TMEM144: variants seen among roughly 807,000 people sequenced by gnomAD.
TMEM144 encodes transmembrane protein 144.
A neutral mutation model predicts 43.6 loss-of-function variants in TMEM144; 39 were observed. That is an observed-to-expected ratio of 0.90 (90% confidence interval 0.69 to 1.17). The LOEUF (loss-of-function observed/expected upper bound fraction) is 1.17, where lower values mean the gene tolerates loss of function less well. Ranked by LOEUF, TMEM144 falls within the 50% of genes most tolerant of loss-of-function variation. The pLI is 0.00. For missense variants in TMEM144, 417 were observed against 411.9 expected (o/e 1.01, Z -0.11); for synonymous variants, 154 against 133.6 (o/e 1.15, Z -1.06).
At chr4:158,247,689 C>T (rs775340326) in intron 12 of TMEM144, among the ~76,000 whole-genome samples, 1 of 151,862 alleles carries the variant, frequency 6.6e-6, no homozygotes, top group African/African-American at 2.4e-5. Context: ...AAGTAATGTG[C>T]CAGGTTTTTA....
At chr4:158,252,289 C>G (rs1016794566) in intron 12 of TMEM144, among the ~76,000 whole-genome samples, 6 of 152,134 alleles carry the variant, frequency 3.9e-5, no homozygotes, top group African/African-American at 1.4e-4. Flanking sequence ...CATAACTGAG[C>G]AAGTCCAACG....
intron 6 of TMEM144, among the ~76,000 whole-genome samples, chr4:158,222,980 C>T (rs1734581481): frequency 6.6e-6 from 1 of 152,104 alleles, no homozygotes; most frequent in African/African-American, 2.4e-5. Context: ...GTCTGTAGCC[C>T]AAAACACCTT....
chr4:158,221,633 G>T (rs1250280652), intron 6 of TMEM144, among the ~76,000 whole-genome samples: 1 of 152,146 alleles, frequency 6.6e-6, no homozygotes, highest in Admixed American at 6.5e-5. Flanking sequence ...TTAAGGACAT[G>T]CTCTCCCTTC....
chr4:158,232,793 A>G (rs1404331332), intron 6 of TMEM144, 108 bp from the exon 7 acceptor site: 3 of 724,860 alleles, frequency 4.1e-6, no homozygotes, highest in Non-Finnish European at 6.9e-6. Flanking sequence ...TAATCATTGT[A>G]TCATTAGGAT....
At chr4:158,229,195 T>A (rs921474582) in intron 6 of TMEM144, among the ~76,000 whole-genome samples, 1 of 152,130 alleles carries the variant, frequency 6.6e-6, no homozygotes, top group African/African-American at 2.4e-5. Flanking sequence ...TTCTCTTCCC[T>A]TTTCTGAGTA....
chr4:158,226,819 A>C (rs1192278217), intron 6 of TMEM144, among the ~76,000 whole-genome samples: 1 of 152,148 alleles, frequency 6.6e-6, no homozygotes, highest in Non-Finnish European at 1.5e-5. Context: ...TTAAACAACC[A>C]GTTAATTTAT....
At position 158,240,370 on chromosome 4, in the gene TMEM144, A is replaced by G. The variant is rs149473745; in HGVS notation, c.754A>G (p.Ile252Val). ...TSTVYFLAYC[I>V]AMKNSPKLYP... ...TACTGTCTACTTTCTGGCCTACTGC[A>G]TAGCCATGAAAAATAGTCCTAAACT... Residue 252 changes from isoleucine to valine, a missense_variant, in exon 10 of 13, where the codon ATA becomes GTA. Coordinates refer to ENST00000296529, the MANE Select transcript of TMEM144 (RefSeq NM_018342.5). 1.2e-6 allele frequency: 2 copies of G among 1,613,916 alleles called. No homozygotes were observed. Among genetic ancestry groups the G allele is most frequent in the African/African-American group, 2.7e-5 (2 of 74,936 alleles).
intron 12 of TMEM144, among the ~76,000 whole-genome samples, chr4:158,247,923 A>C (rs1735974530): frequency 1.5e-5 from 2 of 130,138 alleles, no homozygotes; most frequent in African/African-American, 5.9e-5. Flanking sequence ...AAAAATAGGC[A>C]AAAAAAAAAA....
rs767383129 is a variant in TMEM144, at chr4:158,237,619, A to G, written c.658A>G (p.Ile220Val). ...GGACCACAGCAAAAGAAATGATAGT[A>G]TATATGCAGGGGCAAGCCAATATGG... The part of the protein sequence containing the change: ...IKDHSKRNDS[I>V]YAGASQYDLD... The change falls in exon 9 of 13, where the codon ATA becomes GTA. Residue 220 changes from isoleucine (I) to valine (V), a missense_variant. By Grantham distance (29) the Ile-to-Val change is conservative. Coordinates refer to ENST00000296529, the MANE Select transcript of TMEM144 (RefSeq NM_018342.5). 1.2e-6 allele frequency: 2 copies of G among 1,613,436 alleles called. No individual in the cohort carries two copies. Among genetic ancestry groups the G allele is most frequent in the Non-Finnish European group, 1.7e-6 (2 of 1,179,494 alleles).
At chr4:158,232,859 C>A in intron 6 of TMEM144, 42 bp from the exon 7 acceptor site, 1 of 1,354,528 alleles carries the variant, frequency 7.4e-7, no homozygotes, top group South Asian at 1.2e-5. Flanking sequence ...TGATATAAAC[C>A]AGTATTATGA....
chr4:158,237,689 G>T, intron 9 of TMEM144, 46 bp downstream of exon 9: 1 of 1,245,812 alleles, frequency 8.0e-7, no homozygotes, highest in Non-Finnish European at 1.1e-6. Context: ...TACTTTTTAT[G>T]AATATAAAAA....
Position 158,253,559 on chromosome 4 carries a change from T to G in TMEM144, c.*32T>G. On this transcript the variant is annotated 3_prime_UTR_variant, in exon 13 of 13. Coordinates refer to ENST00000296529, the MANE Select transcript of TMEM144 (RefSeq NM_018342.5). ...CAAAACCAGCAGGTGGCAGCAGTAGTTAAGAGAACGCGTCTATCGGACAGC... is the reference window on the plus strand; with the variant it reads ...CAAAACCAGCAGGTGGCAGCAGTAGGTAAGAGAACGCGTCTATCGGACAGC... The G allele has an allele frequency of 6.5e-7, 1 of 1,548,876 alleles. No homozygotes were observed. The highest frequency in any genetic ancestry group is 8.9e-7 in the Non-Finnish European group (1 of 1,122,472).
chr4:158,216,551 C>G (rs1022197885), intron 4 of TMEM144, among the ~76,000 whole-genome samples: 1 of 152,098 alleles, frequency 6.6e-6, no homozygotes, highest in African/African-American at 2.4e-5. Flanking sequence ...TATTAAAACC[C>G]TAAAGTAGGT....
rs182797467 is a variant in TMEM144, at chr4:158,240,445, T to C, written c.802+27T>C. On this transcript the variant is annotated intron_variant, in intron 10 of 12. Coordinates refer to ENST00000296529, the MANE Select transcript of TMEM144 (RefSeq NM_018342.5). ...TAAGAATATGTACTACAGATCTTCTTACTATATGAAAGTGTCATCTACAAC... is the reference window on the plus strand; with the variant it reads ...TAAGAATATGTACTACAGATCTTCTCACTATATGAAAGTGTCATCTACAAC... 3.4e-4 allele frequency: 533 copies of C among 1,575,440 alleles called. No individual in the cohort carries two copies. The African/African-American group carries it at 6.4e-3, about 19-fold the overall frequency.
Position 158,255,373 on chromosome 4 carries a change from AT to A in TMEM144, c.*1850del, listed in dbSNP as rs1736430494. 2.6e-5 allele frequency: 4 copies of A among 150,998 alleles called. No homozygotes were observed. The highest frequency in any genetic ancestry group is 2.0e-4 in the Admixed American group (3 of 15,114). 9.4% of individuals were successfully genotyped at this position (150,998 alleles called of 1,614,324 possible). A position where few individuals can be genotyped will look rare whatever the true frequency, so the allele number is the denominator to read the frequency against. ...TTGGGATTTCCAATTTATATGCAAA[AT>A]TTTAAATGTGAAGTAAAGCAGTTTC... On this transcript the variant is annotated 3_prime_UTR_variant, in exon 13 of 13. Coordinates refer to ENST00000296529, the MANE Select transcript of TMEM144 (RefSeq NM_018342.5).
intron 6 of TMEM144, among the ~76,000 whole-genome samples, chr4:158,232,535 C>T (rs1370531987): frequency 1.3e-5 from 2 of 152,204 alleles, no homozygotes; most frequent in Admixed American, 6.5e-5. Context: ...TGTCCCCTAG[C>T]GTTTGTCCAA....
At chr4:158,233,984 A>G (rs1333071834) in intron 7 of TMEM144, 1 of 152,204 alleles carries the variant, frequency 6.6e-6, no homozygotes, top group Non-Finnish European at 1.5e-5. Context: ...ATCCTCCAAA[A>G]CAATGGAACA....
rs1736395321 is a variant in TMEM144 at position 158,254,727 on chromosome 4, C to T, written c.*1200C>T. ...TATTCAAATGTAAATTTTACCCATT[C>T]CCACCTGATAGTACTGTTTATTACT... is the stretch of plus-strand genomic sequence containing the variant. On this transcript the variant is annotated 3_prime_UTR_variant, in exon 13 of 13. Coordinates refer to ENST00000296529, the MANE Select transcript of TMEM144 (RefSeq NM_018342.5). 1.3e-5 allele frequency: 2 copies of T among 152,190 alleles called. No individual in the cohort carries two copies. Among genetic ancestry groups the T allele is most frequent in the South Asian group, 4.1e-4 (2 of 4,832 alleles). 9.4% of individuals were successfully genotyped at this position (152,190 alleles called of 1,614,324 possible).
intron 6 of TMEM144, among the ~76,000 whole-genome samples, chr4:158,220,769 AT>A (rs1734470111): frequency 6.6e-6 from 1 of 152,128 alleles, no homozygotes; most frequent in South Asian, 2.1e-4. Context: ...CCTGTTGGGT[AT>A]TTGTTGCCCA....
Sources: allele counts gnomAD v4.1 joint callset (sites outside exome capture counted in the v4.1 genomes callset), GRCh38; gene constraint gnomAD v4.1.1; transcripts MANE v1.5; gene names NCBI Gene and HGNC (gene_info 2026-07-23, HGNC 2026-07-21).